The following CAMTA1 variants were observed in gnomAD, a reference collection of about 807,000 sequenced individuals.
The protein encoded by CAMTA1 is calmodulin binding transcription activator 1.
Under a neutral mutation model 170.9 loss-of-function variants are expected in CAMTA1, and 27 were observed. That is an observed-to-expected ratio of 0.16 (90% confidence interval 0.12 to 0.22). The LOEUF (loss-of-function observed/expected upper bound fraction) is 0.22. CAMTA1 is among the 10% of genes least tolerant of loss of function. CAMTA1 has a pLI of 1.00. For missense variants in CAMTA1, 1,619 were observed against 2,217.2 expected, an observed-to-expected ratio of 0.73 and a Z score of 5.42; for synonymous variants, 833 against 891.5, an observed-to-expected ratio of 0.93 and a Z score of 1.17.
chr1:6,983,036 T>G (rs1410162560), intron 3 of CAMTA1, among the ~76,000 whole-genome samples: 1 of 152,158 alleles, frequency 6.6e-6, no homozygotes, highest in African/African-American at 2.4e-5. Flanking sequence ...TAAACTTACC[T>G]TGATGATTCA....
intron 6 of CAMTA1, among the ~76,000 whole-genome samples, chr1:7,528,106 C>T (rs2094450310): frequency 6.6e-6 from 1 of 152,222 alleles, no homozygotes; most frequent in African/African-American, 2.4e-5. Context: ...TGTCTCCCCA[C>T]ACCATCGCTG....
At position 7,633,138 on chromosome 1, in the gene CAMTA1, C is replaced by A. The variant is rs1300419680; in HGVS notation, c.511-7262C>A. The stretch of plus-strand genomic sequence containing the variant: ...TTGGAGGAAAGGCCCTCAGCTTGTC[C>A]CCCGTCCTCTCTTTGTCCCTGCAGT... On this transcript the variant is annotated intron_variant, in intron 6 of 22. Coordinates refer to ENST00000303635, the MANE Select transcript of CAMTA1 (RefSeq NM_015215.4). The surrounding 1 kb of genome is among the most constrained non-coding windows in gnomAD (Gnocchi z 4.1). Among the ~76,000 whole-genome samples the A allele has an allele frequency of 6.6e-6, 1 of 152,210 alleles. No homozygotes were observed. The highest frequency in any genetic ancestry group is 6.5e-5 in the Admixed American group (1 of 15,288).
At chr1:7,751,081 A>G in intron 19 of CAMTA1, 118 bp from the exon 20 acceptor site, 2 of 826,168 alleles carry the variant, frequency 2.4e-6, no homozygotes, top group South Asian at 3.0e-5. Flanking sequence ...CCGGACAGAG[A>G]ATGTGATAAT....
At chr1:7,486,143 G>A (rs1381521757) in intron 6 of CAMTA1, among the ~76,000 whole-genome samples, 3 of 152,226 alleles carry the variant, frequency 2.0e-5, no homozygotes, top group Non-Finnish European at 4.4e-5. Flanking sequence ...GTGACAGTTT[G>A]CAGAATGGCC....
chr1:6,914,489 T>C (rs1036204691), intron 3 of CAMTA1, among the ~76,000 whole-genome samples: 6 of 152,234 alleles, frequency 3.9e-5, no homozygotes, highest in Admixed American at 2.6e-4. Context: ...GAATATGTAC[T>C]CTGAGATGAG....
In CAMTA1 at chr1:7,663,337, G is replaced by C; in HGVS notation, c.806-16G>C. On this transcript the variant is annotated splice_polypyrimidine_tract_variant and intron_variant, in intron 8 of 22. Transcript: ENST00000303635. ...GCCTGCGTGTGCGTGCGCGTGTTGT[G>C]TTCCGATCTCCGCAGGAGCTGGCGG... 6.6e-7 allele frequency: 1 copy of C among 1,519,686 alleles called. No homozygotes were observed. 94.1% of individuals were successfully genotyped at this position (1,519,686 alleles called of 1,614,324 possible).
chr1:7,551,586 G>A (rs1382085560), intron 6 of CAMTA1, among the ~76,000 whole-genome samples: 1 of 152,144 alleles, frequency 6.6e-6, no homozygotes, highest in Non-Finnish European at 1.5e-5. Flanking sequence ...TCCCCTACTG[G>A]GGACACTGTG....
chr1:7,127,053 G>C (rs914311771), intron 4 of CAMTA1, among the ~76,000 whole-genome samples: 1 of 152,134 alleles, frequency 6.6e-6, no homozygotes, highest in Admixed American at 6.5e-5. Context: ...ACAGGCATGA[G>C]CCACTGTGCC....
chr1:7,541,022 C>T (rs1364208847), intron 6 of CAMTA1, among the ~76,000 whole-genome samples: 1 of 152,212 alleles, frequency 6.6e-6, no homozygotes, highest in Non-Finnish European at 1.5e-5. Flanking sequence ...AGGGTCCCTC[C>T]GCACACTGGC....
chr1:7,596,787 A>AG (rs1038769954), intron 6 of CAMTA1, among the ~76,000 whole-genome samples: 7 of 152,180 alleles, frequency 4.6e-5, no homozygotes, highest in Non-Finnish European at 1.0e-4. Context: ...TGGAGCAGTG[A>AG]GGGGCAGTGA....
rs879352450 is a variant in CAMTA1, at chr1:7,058,175, C to CGTG, written c.235-33129_235-33128insGTG. Among the ~76,000 whole-genome samples, 989 of 152,258 alleles carry CGTG rather than the reference C, an allele frequency of 6.5e-3. 11 individuals carry two copies. The highest frequency in any genetic ancestry group is 0.02 in the Middle Eastern group (6 of 294). ...GGACCCTTTCCCCAGCACCCCGCAT[C>CGTG]ACGACGCATCTAGAATGTCCAGGAC... On this transcript the variant is annotated intron_variant, in intron 3 of 22. Coordinates refer to ENST00000303635, the MANE Select transcript of CAMTA1 (RefSeq NM_015215.4).
chr1:6,866,573 G>A (rs1180876929), intron 3 of CAMTA1, among the ~76,000 whole-genome samples: 1 of 152,170 alleles, frequency 6.6e-6, no homozygotes, highest in African/African-American at 2.4e-5. Flanking sequence ...GGGTAGTGGG[G>A]TAGCACGAGA....
Position 7,665,100 on chromosome 1 carries a change from G to C in CAMTA1, c.2553G>C (p.Val851=). 6.5e-7 allele frequency: 1 copy of C among 1,536,378 alleles called. No homozygotes were observed. Among genetic ancestry groups the C allele is most frequent in the Non-Finnish European group, 8.7e-7 (1 of 1,143,742 alleles). The change falls in exon 9 of 23, where the codon GTG becomes GTC. Residue 851 remains valine, a synonymous_variant. Transcript: ENST00000303635. The surrounding 1 kb of genome is among the most constrained non-coding windows in gnomAD (Gnocchi z 4.3). ...STMAYMHVAE[V]VSAASAQGTL... is the part of the protein sequence containing the mutation. ...TGGCCTACATGCACGTCGCCGAGGT[G>C]GTCTCGGCCGCCTCGGCCCAGGGCA...
rs76233280 is a variant in CAMTA1, at chr1:7,507,010, C to G, written c.510+39109C>G. On this transcript the variant is annotated intron_variant, in intron 6 of 22. Coordinates refer to ENST00000303635, the MANE Select transcript of CAMTA1 (RefSeq NM_015215.4). Reference sequence around the variant, plus strand: ...TGACACTCAAAATTCACACTAACATCTCATGCTCACACTCAAAACTCATGC... The same window carrying G: ...TGACACTCAAAATTCACACTAACATGTCATGCTCACACTCAAAACTCATGC... Among the ~76,000 whole-genome samples, 1,142 of 149,640 alleles carry G rather than the reference C, an allele frequency of 7.6e-3. 30 individuals are homozygous for G. The highest frequency in any genetic ancestry group is 0.072 in the East Asian group (371 of 5,170).
chr1:7,084,586 G>C (rs888099799), intron 3 of CAMTA1, among the ~76,000 whole-genome samples: 1 of 152,248 alleles, frequency 6.6e-6, no homozygotes, highest in East Asian at 1.9e-4. Context: ...GAGGTGGACC[G>C]AGGGGGGCAG....
chr1:7,088,664 T>A (rs1641067955), intron 3 of CAMTA1, among the ~76,000 whole-genome samples: 1 of 152,080 alleles, frequency 6.6e-6, no homozygotes, highest in African/African-American at 2.4e-5. Context: ...ATGTCCAGGG[T>A]TTTGGAACAA....
rs144494027 is a variant in CAMTA1, at chr1:7,041,065, G to A, written c.235-50239G>A. On this transcript the variant is annotated intron_variant, in intron 3 of 22. Transcript: ENST00000303635. The surrounding 1 kb of genome is among the most constrained non-coding windows in gnomAD (Gnocchi z 5.1). ...ACAGGTGCGTGTGGGCGCAGGAGGC[G>A]GAGGGCCCTTATGCTGCCCTGGCAT... Among the ~76,000 whole-genome samples, 46 of 152,348 alleles carry A rather than the reference G, an allele frequency of 3.0e-4. 2 individuals carry two copies. In the East Asian group the frequency reaches 6.6e-3, roughly 22 times the overall value.
intron 5 of CAMTA1, among the ~76,000 whole-genome samples, chr1:7,258,801 G>A (rs971499998): frequency 2.0e-5 from 3 of 152,106 alleles, no homozygotes; most frequent in Admixed American, 2.0e-4. Flanking sequence ...GCTTATGTCC[G>A]TGTGAATTTA....
chr1:6,883,524 A>G (rs1480758608), intron 3 of CAMTA1, among the ~76,000 whole-genome samples: 1 of 152,116 alleles, frequency 6.6e-6, no homozygotes, highest in Non-Finnish European at 1.5e-5. Context: ...GAGGAGGCAT[A>G]AGGGAGTTGA....
Sources: gnomAD v4.1 joint callset for allele counts (sites outside exome capture counted in the v4.1 genomes callset) on GRCh38, gnomAD v4.1.1 for gene constraint, Gnocchi (gnomAD v3.1) non-coding constraint, MANE v1.5 for transcripts, NCBI Gene and HGNC (gene_info 2026-07-23, HGNC 2026-07-21) for gene names.